TRABD: variants seen among roughly 807,000 people sequenced by gnomAD.
TRABD encodes TraB domain containing.
TRABD carries 23 observed loss-of-function variants against 39.6 expected under a neutral mutation model. The ratio of observed to expected loss-of-function variants is 0.58; its 90% confidence interval spans 0.42 to 0.82. The LOEUF (loss-of-function observed/expected upper bound fraction) is 0.82. TRABD is among the 40% of genes least tolerant of loss of function. The pLI, the probability that TRABD is intolerant of heterozygous loss-of-function variation, is 0.00. For synonymous variants in TRABD, 243 were observed against 232.1 expected (o/e 1.05, Z -0.43); for missense variants, 487 against 544.9 (o/e 0.89, Z 1.06).
chr22:50,198,075 C>G lies in TRABD; in HGVS notation c.845C>G (p.Ala282Gly). 6.2e-7 allele frequency: 1 copy of G among 1,612,568 alleles called. No individual in the cohort carries two copies. Among genetic ancestry groups the G allele is most frequent in the Non-Finnish European group, 8.5e-7 (1 of 1,179,622 alleles). ...RRLELPRASD[A>G]EPRKCVPSVV... ...ACTGACCCCTTGTCCTTCCCCACAG[C>G]CGAGCCCAGGAAGTGCGTCCCCTCC... Residue 282 changes from alanine to glycine, a missense_variant and splice_region_variant, in exon 9 of 10, where the codon GCC (alanine) becomes GGC (glycine). Ala to Gly is a moderately conservative substitution (Grantham distance 60, BLOSUM62 0). Transcript: ENST00000380909. This position sits in a 1 kb window ranked among gnomAD's most constrained non-coding sequence, Gnocchi z 7.9.
At position 50,198,739 on chromosome 22, in the gene TRABD, T is replaced by G; in HGVS notation, c.*220T>G. 1 of 541,028 alleles carries G rather than the reference T, an allele frequency of 1.8e-6. No homozygotes were observed. The highest frequency in any genetic ancestry group is 3.2e-6 in the Non-Finnish European group (1 of 310,352). 33.5% of individuals were successfully genotyped at this position (541,028 alleles called of 1,614,324 possible). On this transcript the variant is annotated 3_prime_UTR_variant, in exon 10 of 10. Transcript: ENST00000380909. The surrounding 1 kb of genome is among the most constrained non-coding windows in gnomAD (Gnocchi z 7.9). ...TCAGGCCTCCCGGCAGCCCCTCCCCTCCCACACTGCAGGGGCCGTTCCCCA... is the reference window on the plus strand; with the variant it reads ...TCAGGCCTCCCGGCAGCCCCTCCCCGCCCACACTGCAGGGGCCGTTCCCCA...
At chr22:50,190,019 C>G (rs886759834) in intron 1 of TRABD, among the ~76,000 whole-genome samples, 7 of 152,190 alleles carry the variant, frequency 4.6e-5, no homozygotes, top group Non-Finnish European at 8.8e-5. Context: ...TGCCTGGGAG[C>G]AGACTAGAGG....
At position 50,194,580 on chromosome 22, in the gene TRABD, C is replaced by T. The variant is rs139862873; in HGVS notation, c.279+74C>T. On this transcript the variant is annotated intron_variant, in intron 4 of 9. Coordinates refer to ENST00000380909, the MANE Select transcript of TRABD (RefSeq NM_001320485.2). ...CTGTGTCCTGCACTCAGGGACCTCC[C>T]GGCAGGGCCCGTGTGCCCGTGTGTG... The T allele has an allele frequency of 2.7e-4, 422 of 1,540,154 alleles. 4 individuals carry two copies. In the East Asian group the frequency reaches 9.5e-3, roughly 35 times the overall value.
intron 4 of TRABD, 141 bp from the exon 5 acceptor site, chr22:50,194,759 C>T: frequency 7.6e-7 from 1 of 1,314,926 alleles, no homozygotes; most frequent in Non-Finnish European, 1.0e-6. Context: ...ATTGAGCTGT[C>T]ACTGCAGCAG....
chr22:50,198,246 G>A lies in TRABD; in HGVS notation c.956+60G>A, dbSNP rs952002491. On this transcript the variant is annotated intron_variant, in intron 9 of 9. Transcript: ENST00000380909. The surrounding 1 kb of genome is among the most constrained non-coding windows in gnomAD (Gnocchi z 7.9). ...ACAAGCCCCCAGGTGGAGGCTGAGC[G>A]CCCTGGAGGCCAACCACATGCGGCA... 2.5e-5 allele frequency: 39 copies of A among 1,535,278 alleles called. No homozygotes were observed. Among genetic ancestry groups the A allele is most frequent in the South Asian group, 8.3e-5 (7 of 84,682 alleles).
chr22:50,199,069 CT>C lies in TRABD; in HGVS notation c.*556del. The C allele has an allele frequency of 1.4e-6, 1 of 713,128 alleles. No individual in the cohort carries two copies. The highest frequency in any genetic ancestry group is 2.6e-6 in the Non-Finnish European group (1 of 382,820). The allele number at this position is 713,128 out of a possible 1,614,324, so 44.2% of individuals were successfully genotyped here. ...GCCTGCAGGGATTCTGTGTTTTTGG[CT>C]TTTTTAATGTCTTAAAATCTTTTAC... On this transcript the variant is annotated 3_prime_UTR_variant, in exon 10 of 10. Coordinates refer to ENST00000380909, the MANE Select transcript of TRABD (RefSeq NM_001320485.2).
chr22:50,199,450 C>A lies in TRABD; in HGVS notation c.*931C>A. The A allele has an allele frequency of 3.9e-6, 1 of 256,218 alleles. No individual in the cohort carries two copies. Among genetic ancestry groups the A allele is most frequent in the Non-Finnish European group, 7.4e-6 (1 of 135,016 alleles). The allele number at this position is 256,218 out of a possible 1,614,324, so 15.9% of individuals were successfully genotyped here. On this transcript the variant is annotated 3_prime_UTR_variant, in exon 10 of 10. Transcript: ENST00000380909. The stretch of plus-strand genomic sequence containing the variant: ...GTCCAGGACACAGCCCGTGCAGCCC[C>A]AGCCTGGACCCAGGCCATCTCTGGT...
In TRABD at chr22:50,198,529, C is replaced by T. The variant is rs768366017; in HGVS notation, c.*10C>T. 2.0e-6 allele frequency: 3 copies of T among 1,530,020 alleles called. No individual in the cohort carries two copies. The South Asian group carries it at 3.6e-5, about 19-fold the overall frequency. The allele number at this position is 1,530,020 out of a possible 1,614,324, so 94.8% of individuals were successfully genotyped here. On this transcript the variant is annotated 3_prime_UTR_variant, in exon 10 of 10. Transcript: ENST00000380909. This position sits in a 1 kb window ranked among gnomAD's most constrained non-coding sequence, Gnocchi z 7.9. ...GGCCCGGCACAAGTAGGAGACTGCT[C>T]CCCGCCCGCTCGGGCCCCTGAGGAG...
intron 4 of TRABD, 145 bp downstream of exon 4, chr22:50,194,651 C>T: frequency 7.3e-7 from 1 of 1,367,724 alleles, no homozygotes; most frequent in East Asian, 2.5e-5. Flanking sequence ...CTGGGAGTGG[C>T]AAGGTGGGCT....
chr22:50,197,137 G>T, intron 5 of TRABD, 104 bp from the exon 6 acceptor site: 1 of 1,191,330 alleles, frequency 8.4e-7, no homozygotes, highest in African/African-American at 1.5e-5. Context: ...ACTGGGCTGG[G>T]GCAGGGCTCT....
At chr22:50,193,462 T>C in intron 2 of TRABD, 114 bp from the exon 3 acceptor site, 1 of 1,012,810 alleles carries the variant, frequency 9.9e-7, no homozygotes, top group Non-Finnish European at 1.5e-6. Flanking sequence ...GGGTGTGTGG[T>C]CCACACAGCG....
At chr22:50,193,747 G>A (rs983480754) in intron 3 of TRABD, 93 bp downstream of exon 3, 26 of 1,297,268 alleles carry the variant, frequency 2.0e-5, no homozygotes, top group Admixed American at 7.0e-5. Context: ...CAGGGGCTTG[G>A]AGCTTGTGGT....
At position 50,193,041 on chromosome 22, in the gene TRABD, C is replaced by G; in HGVS notation, c.-20C>G. The stretch of plus-strand genomic sequence containing the variant: ...CCTCTCCTCAGGCTCCCCACAGGTG[C>G]AGGAAGCCGCCGCCCAGCCATGGAC... On this transcript the variant is annotated 5_prime_UTR_variant, in exon 2 of 10. Transcript: ENST00000380909. The G allele has an allele frequency of 2.6e-6, 4 of 1,544,662 alleles. No individual in the cohort carries two copies. Among genetic ancestry groups the G allele is most frequent in the Non-Finnish European group, 3.5e-6 (4 of 1,147,002 alleles).
chr22:50,197,385 G>C (rs2064151889), intron 6 of TRABD, 34 bp downstream of exon 6: 1 of 1,612,702 alleles, frequency 6.2e-7, no homozygotes, highest in Non-Finnish European at 8.5e-7. Context: ...GTGGCCACAG[G>C]GATGTGGCTC....
At position 50,198,265 on chromosome 22, in the gene TRABD, TGCGGC is replaced by T; in HGVS notation, c.957-79_957-75del. On this transcript the variant is annotated intron_variant, in intron 9 of 9. Transcript: ENST00000380909. The surrounding 1 kb of genome is among the most constrained non-coding windows in gnomAD (Gnocchi z 7.9). ...CTGAGCGCCCTGGAGGCCAACCACATGCGGCAGTGACCCAGGCATGGGGGCTGGGG... is the reference window on the plus strand; with the variant it reads ...CTGAGCGCCCTGGAGGCCAACCACATAGTGACCCAGGCATGGGGGCTGGGG... 7.4e-7 allele frequency: 1 copy of T among 1,343,834 alleles called. No homozygotes were observed. The highest frequency in any genetic ancestry group is 9.9e-7 in the Non-Finnish European group (1 of 1,005,718). The allele number at this position is 1,343,834 out of a possible 1,614,324, so 83.2% of individuals were successfully genotyped here.
At chr22:50,197,029 T>G (rs1422110263) in intron 5 of TRABD, 18 of 570,504 alleles carry the variant, frequency 3.2e-5, no homozygotes, top group East Asian at 1.2e-4. Context: ...GAGCTACCTT[T>G]GAGAAGTGCC....
At chr22:50,194,554 CCT>C (rs1221246793) in intron 4 of TRABD, 48 bp downstream of exon 4, 1 of 1,553,768 alleles carries the variant, frequency 6.4e-7, no homozygotes, top group Non-Finnish European at 8.7e-7. Flanking sequence ...GGTGTAAGCT[CCT>C]GTGTCCTGCA....
At chr22:50,190,927 C>T (rs537197824) in intron 1 of TRABD, among the ~76,000 whole-genome samples, 1 of 152,358 alleles carries the variant, frequency 6.6e-6, no homozygotes, top group African/African-American at 2.4e-5. Flanking sequence ...ACCGCTAAGA[C>T]GCCCAGGCCA....
At position 50,190,219 on chromosome 22, in the gene TRABD, G is replaced by A. The variant is rs1039884610; in HGVS notation, c.-34-2808G>A. Among the ~76,000 whole-genome samples, 4 of 152,238 alleles carry A rather than the reference G, an allele frequency of 2.6e-5. No individual in the cohort carries two copies. The South Asian group carries it at 8.3e-4, about 31-fold the overall frequency. ...GCGGGCAGCACGCCTCTGCTGAGAGGCTGCAGGGGCCAGGGCTGGGGGCTG... is the reference window on the plus strand; with the variant it reads ...GCGGGCAGCACGCCTCTGCTGAGAGACTGCAGGGGCCAGGGCTGGGGGCTG... On this transcript the variant is annotated intron_variant, in intron 1 of 9. Coordinates refer to ENST00000380909, the MANE Select transcript of TRABD (RefSeq NM_001320485.2).
Sources: allele counts gnomAD v4.1 joint callset (sites outside exome capture counted in the v4.1 genomes callset), GRCh38; gene constraint gnomAD v4.1.1; non-coding constraint Gnocchi (gnomAD v3.1); transcripts MANE v1.5; gene names NCBI Gene and HGNC (gene_info 2026-07-23, HGNC 2026-07-21).